The following BPTF variants were observed in gnomAD, a reference collection of about 807,000 sequenced individuals.
BPTF encodes the protein bromodomain PHD finger transcription factor, also known as nucleosome-remodeling factor subunit BPTF.
BPTF carries 18 observed loss-of-function variants against 292.5 expected under a neutral mutation model. The ratio of observed to expected loss-of-function variants is 0.06; its 90% CI spans 0.04 to 0.09. The LOEUF (loss-of-function observed/expected upper bound fraction) is 0.09, where lower values mean the gene tolerates loss of function less well. Ranked by LOEUF, BPTF falls within the 10% of genes least tolerant of loss-of-function variation. BPTF has a pLI of 1.00. For synonymous variants in BPTF, 1,225 were observed against 1,251.9 expected (o/e 0.98, Z 0.45); for missense variants, 2,726 against 3,498.7 (o/e 0.78, Z 5.57).
chr17:67,895,570 C>T (rs2061387348), intron 7 of BPTF, among the ~76,000 whole-genome samples: 1 of 151,172 alleles, frequency 6.6e-6, no homozygotes, highest in Non-Finnish European at 1.5e-5. Context: ...TAAGGTTATC[C>T]TCTCACCTCA....
intron 17 of BPTF, among the ~76,000 whole-genome samples, chr17:67,929,945 A>G (rs2064226033): frequency 6.7e-6 from 1 of 149,616 alleles, no homozygotes; most frequent in Admixed American, 6.6e-5. Flanking sequence ...GCAAAACCCC[A>G]TCTCTACAAA....
chr17:67,928,564 C>G lies in BPTF; in HGVS notation c.5961C>G (p.Thr1987=). The change falls in exon 16 of 28, where the codon ACC becomes ACG. Residue 1987 remains threonine (T), a synonymous_variant. Transcript: ENST00000306378. ...AACAAAACAAGAACTTTCATCAAAC[C>G]TTTGCTACATGGGTTAAGCAAGGCC... is the stretch of plus-strand genomic sequence containing the variant. ...TFQQNKNFHQ[T]FATWVKQGQS... 1 of 1,614,118 alleles carries G rather than the reference C, an allele frequency of 6.2e-7. No individual in the cohort carries two copies. Among genetic ancestry groups the G allele is most frequent in the Non-Finnish European group, 8.5e-7 (1 of 1,179,990 alleles).
At chr17:67,884,654 G>A (rs1187385130) in intron 4 of BPTF, among the ~76,000 whole-genome samples, 2 of 152,098 alleles carry the variant, frequency 1.3e-5, no homozygotes, top group Non-Finnish European at 2.9e-5. Context: ...GACCTCAAGT[G>A]ATCTGCCTGC....
chr17:67,883,756 G>C (rs556476375), intron 4 of BPTF, among the ~76,000 whole-genome samples: 1 of 151,996 alleles, frequency 6.6e-6, no homozygotes, highest in Admixed American at 6.5e-5. Flanking sequence ...GCCTGCCGCT[G>C]TGCCCAGCTA....
In BPTF at chr17:67,893,684, C is replaced by T. The variant is rs1227954204; in HGVS notation, c.2370C>T (p.Asn790=). 1.2e-6 allele frequency: 2 copies of T among 1,609,308 alleles called. No homozygotes were observed. Among genetic ancestry groups the T allele is most frequent in the Non-Finnish European group, 1.7e-6 (2 of 1,176,506 alleles). The part of the protein sequence containing the change: ...LRLTITQLEN[N]IPSSFLHPNW... ...TGACTATCACCCAATTAGAAAACAA[C>T]ATCCCTTCATCCTTTCTTCATCCCA... Residue 790 remains asparagine, a synonymous_variant, in exon 6 of 28, where the codon AAC becomes AAT. Coordinates refer to ENST00000306378, the MANE Select transcript of BPTF (RefSeq NM_182641.4).
chr17:67,924,706 A>G (rs2147300869), intron 15 of BPTF, 117 bp downstream of exon 15: 1 of 1,169,944 alleles, frequency 8.5e-7, no homozygotes, highest in East Asian at 2.4e-5. Context: ...TTGACAACAT[A>G]CATACATTTT....
intron 4 of BPTF, among the ~76,000 whole-genome samples, chr17:67,883,782 G>A (rs1455545187): frequency 2.6e-5 from 4 of 152,168 alleles, no homozygotes; most frequent in African/African-American, 9.7e-5. Context: ...TGTATTTTTA[G>A]TAGAGACGGG....
At position 67,918,726 on chromosome 17, in the gene BPTF, G is replaced by C; in HGVS notation, c.5316G>C (p.Gln1772His). ...GTTTTCCTTTCAGGTATAGACTTCA[G>C]ACAGTAAAGTCCTTAGCTGGAGTGA... ...TFGITWRYRLQTVKSLAGVSL... is the reference protein window; with the variant it reads ...TFGITWRYRLHTVKSLAGVSL... The change falls in exon 12 of 28, where the codon CAG becomes CAC. Residue 1772 changes from glutamine to histidine, a missense_variant. Transcript: ENST00000306378. 1 of 1,613,232 alleles carries C rather than the reference G, an allele frequency of 6.2e-7. No homozygotes were observed. The highest frequency in any genetic ancestry group is 8.5e-7 in the Non-Finnish European group (1 of 1,179,426).
At chr17:67,918,653 AATGTGT>A (rs1220251386) in intron 11 of BPTF, 55 bp from the exon 12 acceptor site, 20 of 1,464,412 alleles carry the variant, frequency 1.4e-5, no homozygotes, top group African/African-American at 5.6e-5. Context: ...AGTGAATATG[AATGTGT>A]ATGTGTATGT....
chr17:67,931,098 C>G (rs1457715991), intron 17 of BPTF, among the ~76,000 whole-genome samples: 1 of 152,166 alleles, frequency 6.6e-6, no homozygotes, highest in African/African-American at 2.4e-5. Flanking sequence ...AACCCTGTCT[C>G]TGCTAAAAAT....
At chr17:67,932,074 AC>A (rs1280139467) in intron 18 of BPTF, 55 bp downstream of exon 18, 1 of 1,452,892 alleles carries the variant, frequency 6.9e-7, no homozygotes, top group Non-Finnish European at 9.6e-7. Flanking sequence ...TCTAGGAAAT[AC>A]GTAATTCTCT....
intron 1 of BPTF, among the ~76,000 whole-genome samples, chr17:67,853,572 C>T (rs1159297719): frequency 2.6e-5 from 4 of 151,792 alleles, no homozygotes; most frequent in African/African-American, 9.7e-5. Context: ...ATATTCTTGT[C>T]AAATCATTCA....
chr17:67,846,279 C>T (rs1042277945), intron 1 of BPTF, among the ~76,000 whole-genome samples: 2 of 152,266 alleles, frequency 1.3e-5, no homozygotes, highest in African/African-American at 2.4e-5. Flanking sequence ...CACTTGGGCC[C>T]AGCAGTTTTA....
intron 23 of BPTF, among the ~76,000 whole-genome samples, chr17:67,948,620 A>G (rs1555676805): frequency 6.6e-6 from 1 of 152,234 alleles, no homozygotes; most frequent in Non-Finnish European, 1.5e-5. Flanking sequence ...AATTAGGAGC[A>G]GAGCTTCATG....
At position 67,868,715 on chromosome 17, in the gene BPTF, C is replaced by T. The variant is rs189650060; in HGVS notation, c.1660+2028C>T. The stretch of plus-strand genomic sequence containing the variant: ...TAATCCTATTAATTTTCCCCATTCT[C>T]CATTTGCTTAAAAATAGAATGTTTA... On this transcript the variant is annotated intron_variant, in intron 3 of 27. Coordinates refer to ENST00000306378, the MANE Select transcript of BPTF (RefSeq NM_182641.4). Among the ~76,000 whole-genome samples the T allele has an allele frequency of 6.0e-4, 92 of 152,282 alleles. 1 individual carries two copies. In the East Asian group the frequency reaches 0.017, roughly 28 times the overall value.
intron 26 of BPTF, chr17:67,975,158 A>G (rs1048798736): frequency 2.0e-5 from 3 of 152,194 alleles, no homozygotes; most frequent in Non-Finnish European, 2.9e-5. Flanking sequence ...TATCACACCC[A>G]TCTATCACCA....
At chr17:67,932,134 G>A (rs2064451372) in intron 18 of BPTF, 115 bp downstream of exon 18, 2 of 842,074 alleles carry the variant, frequency 2.4e-6, no homozygotes, top group South Asian at 1.7e-5. Context: ...GTACTTCAAA[G>A]CATACTAAAT....
intron 24 of BPTF, among the ~76,000 whole-genome samples, chr17:67,962,662 A>C (rs1296697753): frequency 2.2e-4 from 33 of 152,308 alleles, no homozygotes; most frequent in Middle Eastern, 3.4e-3. Context: ...TAACAGGAAA[A>C]CTGGCCCGTG....
At chr17:67,839,199 A>T (rs752225451) in intron 1 of BPTF, among the ~76,000 whole-genome samples, 2 of 152,180 alleles carry the variant, frequency 1.3e-5, no homozygotes, top group Non-Finnish European at 2.9e-5. Flanking sequence ...AATGTTAGTT[A>T]TAACGATAGG....
Sources: gnomAD v4.1 joint callset for allele counts (sites outside exome capture counted in the v4.1 genomes callset) on GRCh38, gnomAD v4.1.1 for gene constraint, MANE v1.5 for transcripts, NCBI Gene and HGNC (gene_info 2026-07-23, HGNC 2026-07-21) for gene names.